CEP128: variants seen among roughly 807,000 people sequenced by gnomAD.
CEP128 encodes centrosomal protein 128.
A neutral mutation model predicts 156.7 loss-of-function variants in CEP128; 132 were observed. That is an observed-to-expected ratio of 0.84 (90% CI 0.73 to 0.97). The LOEUF is 0.97. CEP128 is among the 50% of genes least tolerant of loss of function. The pLI, the probability that CEP128 is intolerant of heterozygous loss-of-function variation, is 0.00. For missense variants in CEP128, 1,252 were observed against 1,281.9 expected, an observed-to-expected ratio of 0.98 and a Z score of 0.36; for synonymous variants, 469 against 448.9, an observed-to-expected ratio of 1.04 and a Z score of -0.57.
intron 19 of CEP128, among the ~76,000 whole-genome samples, chr14:80,687,363 C>T (rs541008091): frequency 3.9e-5 from 6 of 152,046 alleles, no homozygotes; most frequent in Admixed American, 2.0e-4. Context: ...ATAAAGAAAA[C>T]GAGGTACATA....
intron 19 of CEP128, among the ~76,000 whole-genome samples, chr14:80,712,215 A>G (rs1897438150): frequency 6.6e-6 from 1 of 152,166 alleles, no homozygotes; most frequent in South Asian, 2.1e-4. Flanking sequence ...AAAGGAATAC[A>G]TTCATTCTCT....
At chr14:80,597,240 C>T (rs538525972) in intron 19 of CEP128, among the ~76,000 whole-genome samples, 1 of 152,082 alleles carries the variant, frequency 6.6e-6, no homozygotes, top group Non-Finnish European at 1.5e-5. Flanking sequence ...CAATTACCAA[C>T]GTTAGGAATG....
At position 80,613,347 on chromosome 14, in the gene CEP128, G is replaced by T. The variant is rs1893081235; in HGVS notation, c.2807-32924C>A. 2.4e-5 allele frequency among the ~76,000 whole-genome samples: 3 copies of T among 123,676 alleles called. No individual in the cohort carries two copies. In the Admixed American group the frequency reaches 3.5e-4, roughly 14 times the overall value. The allele number at this position is 123,676 out of a possible 152,430, so 81.1% of individuals were successfully genotyped here. On this transcript the variant is annotated intron_variant, in intron 19 of 24. Coordinates refer to ENST00000555265, the MANE Select transcript of CEP128 (RefSeq NM_152446.5). ...AGACGGAGTCTCGCTCTGTCGCCCA[G>T]GCTGGAGTGCAGTGGCGCGATCTCG...
At chr14:80,561,685 G>A (rs891151666) in intron 20 of CEP128, among the ~76,000 whole-genome samples, 30 of 152,114 alleles carry the variant, frequency 2.0e-4, no homozygotes, top group Admixed American at 5.2e-4. Context: ...TGAAATAGGC[G>A]ATTTCATATA....
downstream of CEP128, among the ~76,000 whole-genome samples, chr14:80,487,097 C>T (rs1376325158): frequency 6.6e-6 from 1 of 152,040 alleles, no homozygotes; most frequent in Non-Finnish European, 1.5e-5. Flanking sequence ...GATAAAGAGT[C>T]AAAACCCATC....
chr14:80,483,857 T>C (rs1470640954), intron 14 of CEP128, among the ~76,000 whole-genome samples: 3 of 152,236 alleles, frequency 2.0e-5, no homozygotes, highest in Non-Finnish European at 4.4e-5. Flanking sequence ...CCATTAGTTA[T>C]GTCTGGCGAT....
downstream of CEP128, among the ~76,000 whole-genome samples, chr14:80,494,193 C>T (rs1887416805): frequency 1.3e-5 from 2 of 152,110 alleles, no homozygotes; most frequent in South Asian, 4.1e-4. Flanking sequence ...CCTTTATATA[C>T]AAACTTTCCA....
At chr14:80,567,096 A>C (rs1350018494) in intron 20 of CEP128, among the ~76,000 whole-genome samples, 1 of 152,174 alleles carries the variant, frequency 6.6e-6, no homozygotes, top group African/African-American at 2.4e-5. Flanking sequence ...TGGTTGATCC[A>C]CATTTCCAAT....
rs559485722 is a variant in CEP128 at position 80,816,000 on chromosome 14, G to A, written c.1209+15143C>T. Among the ~76,000 whole-genome samples, 6 of 151,938 alleles carry A rather than the reference G, an allele frequency of 3.9e-5. 1 individual carries two copies. The highest frequency in any genetic ancestry group is 1.4e-4 in the African/African-American group (6 of 41,440). ...TGAGAAGTTTCTTAATGGGTACAAT[G>A]TGTATTATTCCCATGATGGCAACAC... On this transcript the variant is annotated intron_variant, in intron 13 of 24. Coordinates refer to ENST00000555265, the MANE Select transcript of CEP128 (RefSeq NM_152446.5).
rs187502826 is a variant in CEP128 at position 80,539,895 on chromosome 14, C to T, written c.2881-9009G>A. On this transcript the variant is annotated intron_variant, in intron 21 of 24. Coordinates refer to ENST00000555265, the MANE Select transcript of CEP128 (RefSeq NM_152446.5). The stretch of plus-strand genomic sequence containing the variant: ...CTGTCTTATGTGGTTGAGATAAGGA[C>T]TGAGATACGCCCTGGTCTCCTGCAG... Among the ~76,000 whole-genome samples the T allele has an allele frequency of 2.6e-5, 4 of 152,170 alleles. No individual in the cohort carries two copies. The East Asian group carries it at 7.7e-4, about 29-fold the overall frequency.
intron 19 of CEP128, among the ~76,000 whole-genome samples, chr14:80,638,219 C>T (rs369339795): frequency 9.2e-5 from 14 of 152,200 alleles, no homozygotes; most frequent in South Asian, 2.1e-4. Flanking sequence ...ATGGCCAAAT[C>T]GTATAGTTCC....
intron 19 of CEP128, among the ~76,000 whole-genome samples, chr14:80,657,288 G>T (rs1595164812): frequency 1.3e-5 from 2 of 151,676 alleles, no homozygotes; most frequent in South Asian, 4.2e-4. Flanking sequence ...ATGGTGGCTT[G>T]TCATTTTTCC....
intron 19 of CEP128, among the ~76,000 whole-genome samples, chr14:80,641,861 G>A (rs111421373): frequency 0.036 from 5,537 of 151,912 alleles, 124 homozygotes; most frequent in African/African-American, 0.071. Context: ...AGGCCAAGGC[G>A]GGTGGATCAT....
intron 9 of CEP128, among the ~76,000 whole-genome samples, chr14:80,844,742 G>A (rs1437183354): frequency 6.6e-6 from 1 of 151,932 alleles, no homozygotes; most frequent in Admixed American, 6.6e-5. Flanking sequence ...TGGCCTAGAT[G>A]TGTTTTTTGT....
intron 9 of CEP128, among the ~76,000 whole-genome samples, chr14:80,842,542 A>T (rs1886394401): frequency 6.6e-6 from 1 of 152,004 alleles, no homozygotes; most frequent in Non-Finnish European, 1.5e-5. Flanking sequence ...AAACACAGAT[A>T]ATACTCAAAG....
chr14:80,533,449 C>T (rs1014476671), intron 21 of CEP128, among the ~76,000 whole-genome samples: 5 of 152,128 alleles, frequency 3.3e-5, no homozygotes, highest in African/African-American at 9.7e-5. Context: ...TACTGTAAAA[C>T]GCAGCATGTT....
chr14:80,802,335 C>T (rs1425857241), intron 13 of CEP128, among the ~76,000 whole-genome samples: 1 of 152,108 alleles, frequency 6.6e-6, no homozygotes, highest in Non-Finnish European at 1.5e-5. Flanking sequence ...GGTATATATA[C>T]ATCATGGAAT....
intron 19 of CEP128, among the ~76,000 whole-genome samples, chr14:80,719,894 T>C (rs182172361): frequency 2.6e-5 from 4 of 152,210 alleles, no homozygotes; most frequent in East Asian, 3.9e-4. Flanking sequence ...TAGAGTCTAA[T>C]GGGAAAGATG....
chr14:80,945,783 G>A (rs1267305053), upstream of CEP128: 1 of 152,262 alleles, frequency 6.6e-6, no homozygotes, highest in Admixed American at 6.5e-5. Flanking sequence ...CAGACAGAGA[G>A]AAGTGAGTAA....
Sources: allele counts gnomAD v4.1 joint callset (sites outside exome capture counted in the v4.1 genomes callset), GRCh38; gene constraint gnomAD v4.1.1; transcripts MANE v1.5; gene names NCBI Gene and HGNC (gene_info 2026-07-23, HGNC 2026-07-21).